The following TPO variants were observed in gnomAD, a reference collection of about 807,000 sequenced individuals.
TPO encodes the protein thyroid peroxidase.
In TPO, 78 loss-of-function variants were observed where a neutral mutation model predicts 96.9. The observed-to-expected ratio is 0.81, with a 90% CI of 0.67 to 0.97. TPO has a LOEUF of 0.97. TPO is among the 50% of genes least tolerant of loss of function. The pLI, the probability that TPO is intolerant of heterozygous loss-of-function variation, is 0.00. For synonymous variants in TPO, 547 were observed against 538.0 expected (o/e 1.02, Z -0.23); for missense variants, 1,252 against 1,274.8 (o/e 0.98, Z 0.27).
intron 3 of TPO, among the ~76,000 whole-genome samples, chr2:1,427,229 T>C (rs1664506844): frequency 6.6e-6 from 1 of 152,190 alleles, no homozygotes; most frequent in African/African-American, 2.4e-5. Context: ...GACCCAGATC[T>C]TTATGATGTG....
intron 1 of TPO, among the ~76,000 whole-genome samples, chr2:1,389,419 A>G (rs1661961889): frequency 6.6e-6 from 1 of 152,204 alleles, no homozygotes; most frequent in South Asian, 2.1e-4. Flanking sequence ...TCTACTTCCC[A>G]ACTGTAATTG....
intron 1 of TPO, among the ~76,000 whole-genome samples, chr2:1,380,342 C>A (rs1446827944): frequency 3.4e-5 from 5 of 146,784 alleles, no homozygotes; most frequent in Admixed American, 1.4e-4. Flanking sequence ...TGGAGTGAGC[C>A]GAGATCACTT....
At chr2:1,473,652 T>A (rs1161959534) in intron 7 of TPO, among the ~76,000 whole-genome samples, 1 of 152,192 alleles carries the variant, frequency 6.6e-6, no homozygotes, top group Admixed American at 6.5e-5. Flanking sequence ...AGAGAAATGA[T>A]CTTTTCCCAA....
In TPO at chr2:1,540,653, A is replaced by AGCTGAGATGCGGAAAGCACCAGGCC; in HGVS notation, c.2680_2704dup (p.Val902AlafsTer87). ...TCGGAGACAGGCGGAGGAACTCCCG[A>AGCTGAGATGCGGAAAGCACCAGGCC]GCTGAGATGCGGAAAGCACCAGGCC... On this transcript the variant is annotated frameshift_variant, in exon 16 of 17. Coordinates refer to ENST00000329066, the MANE Select transcript of TPO (RefSeq NM_001206744.2). LOFTEE classifies it high-confidence loss of function. 4 of 1,613,524 alleles carry AGCTGAGATGCGGAAAGCACCAGGCC rather than the reference A, an allele frequency of 2.5e-6. No homozygotes were observed.
intron 5 of TPO, among the ~76,000 whole-genome samples, chr2:1,442,145 G>C (rs937856288): frequency 3.9e-5 from 6 of 152,154 alleles, no homozygotes; most frequent in African/African-American, 1.4e-4. Flanking sequence ...ACGTGGAATC[G>C]TAAGTCCATT....
intron 1 of TPO, among the ~76,000 whole-genome samples, chr2:1,390,117 C>T (rs977445308): frequency 1.3e-5 from 2 of 151,634 alleles, no homozygotes; most frequent in African/African-American, 4.9e-5. Context: ...TTTGCCACAC[C>T]TATCAACTCG....
At chr2:1,421,232 G>A (rs563681864) in intron 2 of TPO, among the ~76,000 whole-genome samples, 8 of 152,302 alleles carry the variant, frequency 5.3e-5, no homozygotes, top group East Asian at 1.9e-4. Context: ...ACCAAAAGCC[G>A]TGCAAACCTC....
In TPO at chr2:1,503,969, G is replaced by C; in HGVS notation, c.2408G>C (p.Gly803Ala). ...LCKDVNECAD[G>A]AHPPCHASAR... The stretch of plus-strand genomic sequence containing the variant: ...GCAGATGTGAACGAGTGTGCAGACG[G>C]TGCCCACCCCCCCTGCCACGCCTCT... The change falls in exon 14 of 17, where the codon GGT (glycine) becomes GCT (alanine). Residue 803 changes from glycine (G) to alanine (A), a missense_variant. Gly to Ala is a moderately conservative substitution (Grantham distance 60, BLOSUM62 0). Coordinates refer to ENST00000329066, the MANE Select transcript of TPO (RefSeq NM_001206744.2). The C allele has an allele frequency of 6.2e-7, 1 of 1,614,090 alleles. No individual in the cohort carries two copies. Among genetic ancestry groups the C allele is most frequent in the African/African-American group, 1.3e-5 (1 of 75,010 alleles).
intron 15 of TPO, among the ~76,000 whole-genome samples, chr2:1,536,683 GTGCAACCTCCATAAATCCAACCAAATGTA>G (rs1212539542): frequency 8.2e-5 from 6 of 73,356 alleles, no homozygotes; most frequent in Non-Finnish European, 1.2e-4. Flanking sequence ...TCTCCTTTCT[GTGCAACCTCCATAAATCCAACCAAATGTA>G]TGCAACCTCC....
chr2:1,471,168 G>T (rs1480428245), intron 7 of TPO, among the ~76,000 whole-genome samples: 4 of 152,078 alleles, frequency 2.6e-5, no homozygotes, highest in Non-Finnish European at 5.9e-5. Flanking sequence ...TCAAATTTGG[G>T]CTTTTTGTTT....
At chr2:1,445,641 T>A (rs868136026) in intron 5 of TPO, among the ~76,000 whole-genome samples, 1 of 140,806 alleles carries the variant, frequency 7.1e-6, no homozygotes, top group Non-Finnish European at 1.5e-5. Flanking sequence ...TGGGGCAGGC[T>A]CCTTGTTTGT....
At chr2:1,441,920 A>C (rs2148525374) in intron 5 of TPO, among the ~76,000 whole-genome samples, 1 of 152,300 alleles carries the variant, frequency 6.6e-6, no homozygotes, top group Admixed American at 6.5e-5. Flanking sequence ...ATCTCATTTG[A>C]ATTCCCACAT....
At chr2:1,383,179 TA>T (rs1465067699) in intron 1 of TPO, among the ~76,000 whole-genome samples, 2 of 152,180 alleles carry the variant, frequency 1.3e-5, no homozygotes, top group African/African-American at 4.8e-5. Context: ...AGTGCCGCAA[TA>T]AACACAAGTG....
Position 1,493,107 on chromosome 2 carries a change from A to G in TPO, c.1769-695A>G, listed in dbSNP as rs1037032927. ...AGGAGGAGGAGTGAGAAGAGAGGCC[A>G]GGGATTCACCAGGGCTCCCAGGAAG... On this transcript the variant is annotated intron_variant, in intron 10 of 16. Coordinates refer to ENST00000329066, the MANE Select transcript of TPO (RefSeq NM_001206744.2). Among the ~76,000 whole-genome samples, 5 of 151,152 alleles carry G rather than the reference A, an allele frequency of 3.3e-5. No homozygotes were observed. The Admixed American group carries it at 3.3e-4, about 10-fold the overall frequency.
intron 2 of TPO, among the ~76,000 whole-genome samples, chr2:1,418,731 T>C (rs1305825183): frequency 6.6e-6 from 1 of 152,206 alleles, no homozygotes; most frequent in Non-Finnish European, 1.5e-5. Flanking sequence ...GTTATAGCTG[T>C]TAAAAGAAAA....
intron 7 of TPO, among the ~76,000 whole-genome samples, 185 bp from the exon 8 acceptor site, chr2:1,476,901 C>A (rs1203004906): frequency 1.3e-5 from 2 of 150,256 alleles, no homozygotes; most frequent in Non-Finnish European, 3.0e-5. Flanking sequence ...CTCTTCCAGG[C>A]AAGAGACCAC....
At chr2:1,509,478 G>A (rs906626620) in intron 14 of TPO, among the ~76,000 whole-genome samples, 2 of 146,570 alleles carry the variant, frequency 1.4e-5, no homozygotes. Context: ...CCTCTTGTTT[G>A]AGGGACACCC....
rs568881634 is a variant in TPO at position 1,451,068 on chromosome 2, G to A, written c.483-2626G>A. ...TAACCATGTCCCCAAGCCTCCTGCC[G>A]CTGCTGACCACTCATCATCCAATGT... On this transcript the variant is annotated intron_variant, in intron 5 of 16. Transcript: ENST00000329066. 5.3e-5 allele frequency among the ~76,000 whole-genome samples: 8 copies of A among 152,224 alleles called. No individual in the cohort carries two copies. The South Asian group carries it at 1.0e-3, about 20-fold the overall frequency.
At chr2:1,530,885 C>T (rs1417734454) in intron 15 of TPO, among the ~76,000 whole-genome samples, 3 of 126,478 alleles carry the variant, frequency 2.4e-5, no homozygotes, top group Admixed American at 7.9e-5. Context: ...CGCAAATCCC[C>T]CCACTGTGTG....
Sources: allele counts gnomAD v4.1 joint callset (sites outside exome capture counted in the v4.1 genomes callset), GRCh38; gene constraint gnomAD v4.1.1; transcripts MANE v1.5; gene names NCBI Gene and HGNC (gene_info 2026-07-23, HGNC 2026-07-21).